The following MAGI2 variants were observed in gnomAD, a reference collection of about 807,000 sequenced individuals.
MAGI2 encodes membrane-associated guanylate kinase, WW and PDZ domain-containing protein 2.
Under a neutral mutation model 133.3 loss-of-function variants are expected in MAGI2, and 35 were observed. The observed-to-expected ratio is 0.26, with a 90% CI of 0.20 to 0.35. The LOEUF is 0.35. Ranked by LOEUF, MAGI2 falls within the 10% of genes least tolerant of loss-of-function variation. The probability of loss-of-function intolerance (pLI) is 1.00; values close to 1 mark genes in which losing one functional copy is unlikely to be tolerated. For synonymous variants in MAGI2, 729 were observed against 710.6 expected (o/e 1.03, Z -0.41); for missense variants, 1,636 against 1,863.4 (o/e 0.88, Z 2.25).
At chr7:79,330,354 C>G (rs34024282) in intron 1 of MAGI2, among the ~76,000 whole-genome samples, 1 of 151,648 alleles carries the variant, frequency 6.6e-6, no homozygotes, top group African/African-American at 2.4e-5. Context: ...CCACCACGCC[C>G]GGCTAATTTT....
intron 2 of MAGI2, among the ~76,000 whole-genome samples, chr7:78,653,341 T>C (rs1303929527): frequency 1.3e-5 from 2 of 152,176 alleles, no homozygotes; most frequent in Non-Finnish European, 2.9e-5. Flanking sequence ...CACATGTATG[T>C]TTATTGGAGC....
At chr7:79,327,846 C>A (rs4604371) in intron 1 of MAGI2, among the ~76,000 whole-genome samples, 87,156 of 152,048 alleles carry the variant, frequency 0.57, 27,083 homozygotes, top group Non-Finnish European at 0.69. Context: ...TTTTTCCAAG[C>A]ATTTTCTTCT....
At chr7:79,349,935 A>T (rs1563141485) in intron 1 of MAGI2, among the ~76,000 whole-genome samples, 1 of 152,062 alleles carries the variant, frequency 6.6e-6, no homozygotes, top group East Asian at 1.9e-4. Flanking sequence ...CCTCACAGTT[A>T]AACTAAAGAT....
At chr7:78,614,658 T>C (rs1039653498) in intron 3 of MAGI2, 2 of 152,222 alleles carry the variant, frequency 1.3e-5, no homozygotes, top group African/African-American at 4.8e-5. Context: ...AATGCATTTC[T>C]GATATAATTG....
At chr7:78,178,749 C>T (rs1407973826) in intron 13 of MAGI2, among the ~76,000 whole-genome samples, 1 of 152,086 alleles carries the variant, frequency 6.6e-6, no homozygotes, top group Non-Finnish European at 1.5e-5. Context: ...TTATAACTTA[C>T]AGGTAGAAAT....
chr7:79,024,003 C>T (rs1809604147), intron 1 of MAGI2, among the ~76,000 whole-genome samples: 1 of 152,004 alleles, frequency 6.6e-6, no homozygotes, highest in South Asian at 2.1e-4. Flanking sequence ...TCATATGGAA[C>T]CAAAAAGGAT....
chr7:79,329,451 A>T (rs1432850615), intron 1 of MAGI2, among the ~76,000 whole-genome samples: 4 of 152,264 alleles, frequency 2.6e-5, no homozygotes, highest in African/African-American at 9.6e-5. Context: ...GTATATGTGT[A>T]TAATATTTAA....
intron 6 of MAGI2, among the ~76,000 whole-genome samples, chr7:78,471,383 T>C (rs1489309687): frequency 6.6e-6 from 1 of 152,130 alleles, no homozygotes; most frequent in Non-Finnish European, 1.5e-5. Flanking sequence ...CACTGGGCTG[T>C]TGTGGAGATT....
chr7:78,299,279 T>C (rs1228275935), intron 9 of MAGI2, among the ~76,000 whole-genome samples: 2 of 152,184 alleles, frequency 1.3e-5, no homozygotes, highest in African/African-American at 4.8e-5. Flanking sequence ...TTGTCACAGA[T>C]AGAAAATTTA....
chr7:78,429,226 AACTG>A (rs778249653), intron 6 of MAGI2, among the ~76,000 whole-genome samples: 1 of 152,108 alleles, frequency 6.6e-6, no homozygotes, highest in Non-Finnish European at 1.5e-5. Context: ...TGGTTTTTGT[AACTG>A]ACCCAAACAT....
At chr7:79,351,591 A>T (rs1244591162) in intron 1 of MAGI2, among the ~76,000 whole-genome samples, 1 of 152,224 alleles carries the variant, frequency 6.6e-6, no homozygotes, top group Non-Finnish European at 1.5e-5. Flanking sequence ...GTATCAATCT[A>T]GGTTGAAGTA....
intron 2 of MAGI2, among the ~76,000 whole-genome samples, chr7:78,715,847 A>ATTTTGTATTTTGTATTTTGTATTTTGT (rs59543870): frequency 1.5e-4 from 22 of 151,294 alleles, no homozygotes; most frequent in African/African-American, 2.2e-4. Context: ...ATAAATACAA[A>ATTTTGTATTTTGTATTTTGTATTTTGT]ATATAAGTCC....
chr7:79,226,013 C>A (rs527350939), intron 1 of MAGI2, among the ~76,000 whole-genome samples: 1 of 152,146 alleles, frequency 6.6e-6, no homozygotes, highest in African/African-American at 2.4e-5. Flanking sequence ...TTTATTCTAG[C>A]AGGGAGGTTA....
intron 2 of MAGI2, among the ~76,000 whole-genome samples, chr7:78,837,325 C>T (rs1300367232): frequency 1.3e-5 from 2 of 152,130 alleles, no homozygotes; most frequent in African/African-American, 2.4e-5. Context: ...AGCTTCTTGC[C>T]ATGATATATG....
At chr7:78,614,228 G>A (rs551304274) in intron 3 of MAGI2, 105 of 150,294 alleles carry the variant, frequency 7.0e-4, no homozygotes, top group African/African-American at 2.4e-3. Context: ...TGAAGCAAGT[G>A]TACTGCAGCT....
chr7:79,429,450 G>T (rs571668593), intron 1 of MAGI2, among the ~76,000 whole-genome samples: 1 of 152,084 alleles, frequency 6.6e-6, no homozygotes, highest in African/African-American at 2.4e-5. Context: ...TTTCAGGCGT[G>T]TGCCACCAAG....
At chr7:79,011,209 G>T (rs1808053969) in intron 1 of MAGI2, 1 of 152,148 alleles carries the variant, frequency 6.6e-6, no homozygotes, top group African/African-American at 2.4e-5. Flanking sequence ...AAACTGGGCT[G>T]CATTTCTAAG....
At chr7:78,886,538 CTT>C (rs753872243) in intron 2 of MAGI2, among the ~76,000 whole-genome samples, 2 of 152,200 alleles carry the variant, frequency 1.3e-5, no homozygotes, top group Admixed American at 6.5e-5. Flanking sequence ...CAAGGGGAAA[CTT>C]CTCTGGTCTA....
intron 1 of MAGI2, among the ~76,000 whole-genome samples, chr7:79,047,624 G>T (rs568786973): frequency 2.8e-4 from 42 of 152,020 alleles, no homozygotes; most frequent in Non-Finnish European, 5.7e-4. Flanking sequence ...TAAGCCTATT[G>T]AAAAAATACA....
Sources: allele counts gnomAD v4.1 joint callset (sites outside exome capture counted in the v4.1 genomes callset), GRCh38; gene constraint gnomAD v4.1.1; transcripts MANE v1.5; gene names NCBI Gene and HGNC (gene_info 2026-07-23, HGNC 2026-07-21).